LYPLA1: variants seen among roughly 807,000 people sequenced by gnomAD.
LYPLA1 encodes the protein lysophospholipase 1.
Under a neutral mutation model 34.0 loss-of-function variants are expected in LYPLA1, and 17 were observed. The observed-to-expected ratio is 0.50, with a 90% confidence interval of 0.34 to 0.75. The LOEUF is 0.75. Among genes scored for constraint, LYPLA1 ranks in the 30% least tolerant of loss-of-function variants. LYPLA1 has a pLI of 0.01. For missense variants in LYPLA1, 203 were observed against 288.8 expected (o/e 0.70, Z 2.15); for synonymous variants, 98 against 100.8 (o/e 0.97, Z 0.17).
rs780088731 is a variant in LYPLA1, at chr8:54,101,810, T to C, written c.14A>G (p.Asn5Ser). 15 of 1,286,620 alleles carry C rather than the reference T, an allele frequency of 1.2e-5. No homozygotes were observed. In the Admixed American group the frequency reaches 5.0e-4, roughly 43 times the overall value. The allele number at this position is 1,286,620 out of a possible 1,614,324, so 79.7% of individuals were successfully genotyped here. Residue 5 changes from asparagine (N) to serine (S), a missense_variant, in exon 1 of 9, where the codon AAC becomes AGC. Transcript: ENST00000316963. MCGN[N>S]MSTPLPAIVP... ...GATGGCGGGCAGCGGGGTTGACATG[T>C]TATTGCCGCACATACACCGCCTCAG... is the stretch of plus-strand genomic sequence containing the variant.
intron 2 of LYPLA1, among the ~76,000 whole-genome samples, chr8:54,070,636 T>C (rs1339028983): frequency 6.6e-6 from 1 of 152,086 alleles, no homozygotes; most frequent in Non-Finnish European, 1.5e-5. Flanking sequence ...GGTAGAAGAA[T>C]CACTCAAACC....
At chr8:54,065,089 TA>T (rs1563593146) in intron 3 of LYPLA1, among the ~76,000 whole-genome samples, 1 of 152,134 alleles carries the variant, frequency 6.6e-6, no homozygotes, top group African/African-American at 2.4e-5. Flanking sequence ...CCCCAAACGA[TA>T]AAATTAAAGA....
intron 6 of LYPLA1, 38 bp downstream of exon 6, chr8:54,055,009 TCTAAATAAGTATA>T: frequency 8.9e-7 from 1 of 1,117,410 alleles, no homozygotes; most frequent in Non-Finnish European, 1.4e-6. Flanking sequence ...TGCACAGACT[TCTAAATAAGTATA>T]CTGATGGTAC....
chr8:54,053,093 T>TA, intron 6 of LYPLA1: 1 of 208,798 alleles, frequency 4.8e-6, no homozygotes. Flanking sequence ...AAATTGGTAT[T>TA]ACTTTTTTTT....
At chr8:54,100,086 C>T (rs1001544586) in intron 2 of LYPLA1, 2 of 152,182 alleles carry the variant, frequency 1.3e-5, no homozygotes, top group African/African-American at 2.4e-5. Flanking sequence ...CAACAACATT[C>T]ATATTTTGCT....
chr8:54,072,482 C>T (rs576839945), intron 2 of LYPLA1, among the ~76,000 whole-genome samples: 4 of 152,052 alleles, frequency 2.6e-5, no homozygotes, highest in South Asian at 2.1e-4. Context: ...ATGCAAACTG[C>T]GCACCCAACA....
At chr8:54,080,971 T>C (rs948829086) in intron 2 of LYPLA1, among the ~76,000 whole-genome samples, 2 of 152,250 alleles carry the variant, frequency 1.3e-5, no homozygotes, top group African/African-American at 2.4e-5. Flanking sequence ...AAGAACTCTA[T>C]ACCACTGGCT....
chr8:54,072,896 C>A (rs1807592257), intron 2 of LYPLA1, among the ~76,000 whole-genome samples: 1 of 146,106 alleles, frequency 6.8e-6, no homozygotes, highest in African/African-American at 2.6e-5. Flanking sequence ...AGGAGAATTG[C>A]TTGAACACTC....
intron 2 of LYPLA1, among the ~76,000 whole-genome samples, chr8:54,081,804 A>G (rs922481692): frequency 6.7e-6 from 1 of 149,538 alleles, no homozygotes; most frequent in African/African-American, 2.5e-5. Flanking sequence ...ATCTTGGCTC[A>G]CTGCAATCTC....
At chr8:54,051,840 C>T (rs1184166752) in intron 7 of LYPLA1, among the ~76,000 whole-genome samples, 1 of 148,376 alleles carries the variant, frequency 6.7e-6, no homozygotes, top group East Asian at 2.0e-4. Flanking sequence ...CTGTTTTATT[C>T]AGCTATCTTT....
chr8:54,046,992 C>T lies in LYPLA1; in HGVS notation c.*1073G>A, dbSNP rs968749435. ...AAAATTACAATAGATTCCTCATCTT[C>T]TACAGTAGTTGGTTTCAAACGTGTA... On this transcript the variant is annotated 3_prime_UTR_variant, in exon 9 of 9. Coordinates refer to ENST00000316963, the MANE Select transcript of LYPLA1 (RefSeq NM_006330.4). 3.9e-5 allele frequency: 6 copies of T among 152,122 alleles called. No homozygotes were observed. The highest frequency in any genetic ancestry group is 7.4e-5 in the Non-Finnish European group (5 of 67,972). 9.4% of individuals were successfully genotyped at this position (152,122 alleles called of 1,614,324 possible). A position where few individuals can be genotyped will look rare whatever the true frequency, so the allele number is the denominator to read the frequency against.
intron 2 of LYPLA1, among the ~76,000 whole-genome samples, chr8:54,071,926 A>C (rs1043731486): frequency 6.6e-6 from 1 of 152,220 alleles, no homozygotes; most frequent in Admixed American, 6.5e-5. Flanking sequence ...CCAAACAGAC[A>C]AGGCAATCCT....
chr8:54,053,304 G>C (rs929916679), intron 6 of LYPLA1: 1 of 237,994 alleles, frequency 4.2e-6, no homozygotes, highest in Non-Finnish European at 8.6e-6. Flanking sequence ...ATGTTGGTTA[G>C]GCTGGTCTCA....
At chr8:54,100,069 A>T (rs183806651) in intron 2 of LYPLA1, among the ~76,000 whole-genome samples, 9 of 152,302 alleles carry the variant, frequency 5.9e-5, no homozygotes, top group Admixed American at 5.2e-4. Context: ...CTATTTCTGC[A>T]ATTTTTCAAC....
intron 5 of LYPLA1, among the ~76,000 whole-genome samples, chr8:54,061,133 T>C (rs1806596546): frequency 6.6e-6 from 1 of 151,786 alleles, no homozygotes; most frequent in African/African-American, 2.4e-5. Context: ...CAAGCCTGAG[T>C]GCAATGGCGC....
At position 54,061,217 on chromosome 8, in the gene LYPLA1, A is replaced by C. The variant is rs367678549; in HGVS notation, c.286+1037T>G. ...TGCCTCGGCCTCCCAAGTAGCTGGA[A>C]TTACAGGCGTGCGTGACCACGCCCA... is the stretch of plus-strand genomic sequence containing the variant. On this transcript the variant is annotated intron_variant, in intron 5 of 8. Coordinates refer to ENST00000316963, the MANE Select transcript of LYPLA1 (RefSeq NM_006330.4). 3.8e-4 allele frequency among the ~76,000 whole-genome samples: 58 copies of C among 151,988 alleles called. No homozygotes were observed. The Middle Eastern group carries it at 0.01, about 27-fold the overall frequency.
intron 6 of LYPLA1, chr8:54,053,731 G>A: frequency 2.2e-6 from 1 of 456,262 alleles, no homozygotes; most frequent in Non-Finnish European, 4.4e-6. Flanking sequence ...ATGGCCAATT[G>A]TTTATGGAAA....
intron 6 of LYPLA1, 145 bp from the exon 7 acceptor site, chr8:54,052,901 A>C: frequency 1.7e-6 from 1 of 602,658 alleles, no homozygotes; most frequent in Non-Finnish European, 3.0e-6. Flanking sequence ...CGGAAATACA[A>C]ACACACCCCA....
chr8:54,058,234 T>C (rs931538354), intron 5 of LYPLA1, among the ~76,000 whole-genome samples: 6 of 152,146 alleles, frequency 3.9e-5, no homozygotes, highest in Non-Finnish European at 8.8e-5. Flanking sequence ...ATTCATTCTA[T>C]TGTTTTTTAA....
Sources: gnomAD v4.1 joint callset for allele counts (sites outside exome capture counted in the v4.1 genomes callset) on GRCh38, gnomAD v4.1.1 for gene constraint, MANE v1.5 for transcripts, NCBI Gene and HGNC (gene_info 2026-07-23, HGNC 2026-07-21) for gene names.